ABCD3: variants seen among roughly 807,000 people sequenced by gnomAD.
The protein encoded by ABCD3 is ATP-binding cassette sub-family D member 3.
ABCD3 carries 41 observed loss-of-function variants against 105.5 expected under a neutral mutation model. That is an observed-to-expected ratio of 0.39 (90% CI 0.30 to 0.50). The LOEUF (loss-of-function observed/expected upper bound fraction) is 0.50. Ranked by LOEUF, ABCD3 falls within the 20% of genes least tolerant of loss-of-function variation. The pLI is 0.84. For missense variants in ABCD3, 622 were observed against 806.3 expected (o/e 0.77, Z 2.77); for synonymous variants, 258 against 269.0 (o/e 0.96, Z 0.40).
intron 21 of ABCD3, among the ~76,000 whole-genome samples, chr1:94,510,273 G>A (rs2101063461): frequency 6.6e-6 from 1 of 152,214 alleles, no homozygotes; most frequent in East Asian, 1.9e-4. Context: ...GGAGCAGGTT[G>A]TTCAGTTTCC....
intron 22 of ABCD3, among the ~76,000 whole-genome samples, chr1:94,516,668 C>A (rs1650934812): frequency 6.6e-6 from 1 of 151,812 alleles, no homozygotes; most frequent in Admixed American, 6.6e-5. Flanking sequence ...TGAAAATAAG[C>A]CACTAAATAA....
At chr1:94,398,666 C>T in the ABCD3 span, among the ~76,000 whole-genome samples, 1 of 152,218 alleles carries the variant, frequency 6.6e-6, no homozygotes, top group Admixed American at 6.5e-5. Flanking sequence ...GTAATCCCAT[C>T]ACTTTGGGAG....
chr1:94,389,481 T>C, the ABCD3 span, among the ~76,000 whole-genome samples: 14 of 152,224 alleles, frequency 9.2e-5, no homozygotes, highest in Non-Finnish European at 1.6e-4. Context: ...TGAGGACATG[T>C]TCCTGCTGCA....
chr1:94,472,608 A>G (rs939192746), intron 4 of ABCD3, among the ~76,000 whole-genome samples: 1 of 152,178 alleles, frequency 6.6e-6, no homozygotes, highest in Non-Finnish European at 1.5e-5. Context: ...AACCCCTCTC[A>G]GAGAGTTAAA....
chr1:94,456,117 C>G (rs1273342297), intron 1 of ABCD3, among the ~76,000 whole-genome samples: 1 of 151,834 alleles, frequency 6.6e-6, no homozygotes, highest in African/African-American at 2.4e-5. Flanking sequence ...AACCACCATT[C>G]TATTCTCTGC....
At chr1:94,426,834 C>T (rs754346467) in intron 1 of ABCD3, among the ~76,000 whole-genome samples, 61 of 147,678 alleles carry the variant, frequency 4.1e-4, no homozygotes, top group East Asian at 6.0e-4. Context: ...TGAGAGCTAC[C>T]GCGCCCAGCC....
intron 1 of ABCD3, among the ~76,000 whole-genome samples, chr1:94,436,594 T>C (rs1462827996): frequency 2.0e-5 from 3 of 152,224 alleles, no homozygotes; most frequent in Non-Finnish European, 4.4e-5. Flanking sequence ...AATTGAAAGT[T>C]TGTGGCAACC....
At chr1:94,460,454 T>C (rs1221731915) in intron 2 of ABCD3, among the ~76,000 whole-genome samples, 2 of 152,154 alleles carry the variant, frequency 1.3e-5, no homozygotes, top group African/African-American at 4.8e-5. Context: ...TATTTCTCCA[T>C]TGAGACCACA....
At chr1:94,459,659 A>G (rs944159702) in intron 2 of ABCD3, among the ~76,000 whole-genome samples, 2 of 152,202 alleles carry the variant, frequency 1.3e-5, no homozygotes, top group African/African-American at 4.8e-5. Context: ...AAGTGTATAA[A>G]TGAGTAGTTA....
chr1:94,491,579 T>G (rs973272227), intron 16 of ABCD3, among the ~76,000 whole-genome samples: 1 of 152,050 alleles, frequency 6.6e-6, no homozygotes, highest in African/African-American at 2.4e-5. Context: ...AAAAGAAACT[T>G]ATGGTGTGGC....
chr1:94,450,475 G>A (rs1029611591), intron 1 of ABCD3, among the ~76,000 whole-genome samples: 1 of 152,350 alleles, frequency 6.6e-6, no homozygotes, highest in Non-Finnish European at 1.5e-5. Context: ...GCGGAAAACC[G>A]CTTAAGGCTT....
chr1:94,478,117 A>G (rs571605694), intron 7 of ABCD3, 142 bp from the exon 8 acceptor site: 1 of 599,238 alleles, frequency 1.7e-6, no homozygotes, highest in Non-Finnish European at 3.0e-6. Context: ...TTACTATCAC[A>G]GTACATTGTA....
At position 94,464,770 on chromosome 1, in the gene ABCD3, T is replaced by C. The variant is rs929977649; in HGVS notation, c.148-5T>C. Reference sequence around the variant, plus strand: ...TCTTAAAAGGGCTTCTTTTTTTTAATGCAGAAAGAGGGGAAAAAGGAGCGA... The same window carrying C: ...TCTTAAAAGGGCTTCTTTTTTTTAACGCAGAAAGAGGGGAAAAAGGAGCGA... On this transcript the variant is annotated splice_region_variant and splice_polypyrimidine_tract_variant and intron_variant, in intron 2 of 22. Transcript: ENST00000370214. The C allele has an allele frequency of 6.2e-7, 1 of 1,611,384 alleles. No homozygotes were observed. Among genetic ancestry groups the C allele is most frequent in the Non-Finnish European group, 8.5e-7 (1 of 1,177,722 alleles).
chr1:94,418,505 G>A lies in ABCD3; in HGVS notation c.27G>A (p.Thr9=). The part of the protein sequence containing the change: MAAFSKYL[T]ARNSSLAGAA... ...TGGCGGCCTTCAGCAAGTACTTGAC[G>A]GCGCGAAACTCCTCGCTGGCTGGTG... Residue 9 remains threonine (T), a synonymous_variant, in exon 1 of 23, where the codon ACG becomes ACA. Coordinates refer to ENST00000370214, the MANE Select transcript of ABCD3 (RefSeq NM_002858.4). 2 of 1,605,172 alleles carry A rather than the reference G, an allele frequency of 1.2e-6. No homozygotes were observed. Among genetic ancestry groups the A allele is most frequent in the South Asian group, 2.2e-5 (2 of 90,798 alleles).
In ABCD3 at chr1:94,511,117, C is replaced by T. The variant is rs887452433; in HGVS notation, c.1846-4029C>T. Among the ~76,000 whole-genome samples the T allele has an allele frequency of 1.5e-4, 23 of 152,138 alleles. 1 individual carries two copies. The highest frequency in any genetic ancestry group is 2.6e-4 in the Non-Finnish European group (18 of 67,998). ...GTCTTTACATTTTGGCATGATTTTG[C>T]AGCGGCTGGTACCAGTTGTTCCTTT... On this transcript the variant is annotated intron_variant, in intron 21 of 22. Transcript: ENST00000370214.
chr1:94,416,252 G>T (rs1374061287), upstream of ABCD3, among the ~76,000 whole-genome samples: 2 of 152,086 alleles, frequency 1.3e-5, no homozygotes, highest in African/African-American at 4.8e-5. Flanking sequence ...TTGTCCTCCT[G>T]AGTGACTCCT....
At chr1:94,475,008 A>AACTGAATTATATAAATTTGG in intron 5 of ABCD3, 135 bp from the exon 6 acceptor site, 1 of 639,546 alleles carries the variant, frequency 1.6e-6, no homozygotes, top group Non-Finnish European at 2.8e-6. Context: ...AGTAAAACAG[A>AACTGAATTATATAAATTTGG]ACTGAATTAT....
chr1:94,430,624 T>C (rs374002850), intron 1 of ABCD3, among the ~76,000 whole-genome samples: 35 of 152,330 alleles, frequency 2.3e-4, no homozygotes, highest in African/African-American at 8.4e-4. Context: ...CCTTGCACCA[T>C]GATTGTGAGG....
intron 13 of ABCD3, among the ~76,000 whole-genome samples, chr1:94,488,402 A>G (rs565580364): frequency 2.0e-5 from 3 of 152,252 alleles, no homozygotes; most frequent in Non-Finnish European, 4.4e-5. Flanking sequence ...TAATGGGAAA[A>G]AAAATGAGAT....
Sources: allele counts gnomAD v4.1 joint callset (sites outside exome capture counted in the v4.1 genomes callset), GRCh38; gene constraint gnomAD v4.1.1; transcripts MANE v1.5; gene names NCBI Gene and HGNC (gene_info 2026-07-23, HGNC 2026-07-21).